TFPI2: variants seen among roughly 807,000 people sequenced by gnomAD.
TFPI2 encodes the protein tissue factor pathway inhibitor 2.
A neutral mutation model predicts 23.1 loss-of-function variants in TFPI2; 23 were observed. The observed-to-expected ratio is 1.00, with a 90% confidence interval of 0.72 to 1.41. The LOEUF (loss-of-function observed/expected upper bound fraction) is 1.41, where lower values mean the gene tolerates loss of function less well. Ranked by LOEUF, TFPI2 falls within the 40% of genes most tolerant of loss-of-function variation. The probability of loss-of-function intolerance (pLI) is 0.00; values close to 1 mark genes in which losing one functional copy is unlikely to be tolerated. For missense variants in TFPI2, 291 were observed against 299.6 expected (o/e 0.97, Z 0.21); for synonymous variants, 119 against 111.7 (o/e 1.07, Z -0.41).
intron 3 of TFPI2, among the ~76,000 whole-genome samples, chr7:93,888,589 G>GACAAAGAAAGAA (rs1554337287): frequency 9.7e-6 from 1 of 103,286 alleles, no homozygotes. Context: ...AGGAAGGAAA[G>GACAAAGAAAGAA]AGAAAGAAAG....
At chr7:93,888,615 G>GAA (rs1794059325) in intron 3 of TFPI2, among the ~76,000 whole-genome samples, 1 of 143,780 alleles carries the variant, frequency 7.0e-6, no homozygotes, top group African/African-American at 2.6e-5. Context: ...AAGAGAAAAA[G>GAA]AAAGGAGAGA....
At position 93,890,716 on chromosome 7, in the gene TFPI2, C is replaced by T. The variant is rs1370602547; in HGVS notation, c.-38G>A. On this transcript the variant is annotated 5_prime_UTR_variant, in exon 1 of 5. Coordinates refer to ENST00000222543, the MANE Select transcript of TFPI2 (RefSeq NM_006528.4). ...CGGGCGGCCCGCTGGGCAAGGCGTCCGAGAAAGCGCCTGGCGGGAGGAGGT... is the reference window on the plus strand; with the variant it reads ...CGGGCGGCCCGCTGGGCAAGGCGTCTGAGAAAGCGCCTGGCGGGAGGAGGT... 1.3e-6 allele frequency: 2 copies of T among 1,578,002 alleles called. No homozygotes were observed. The highest frequency in any genetic ancestry group is 1.7e-6 in the Non-Finnish European group (2 of 1,158,662).
Position 93,886,636 on chromosome 7 carries a change from A to G in TFPI2, c.*184T>C. 2.1e-6 allele frequency: 1 copy of G among 467,180 alleles called. No homozygotes were observed. The highest frequency in any genetic ancestry group is 3.7e-6 in the Non-Finnish European group (1 of 269,698). 28.9% of individuals were successfully genotyped at this position (467,180 alleles called of 1,614,324 possible). On this transcript the variant is annotated 3_prime_UTR_variant, in exon 5 of 5. Coordinates refer to ENST00000222543, the MANE Select transcript of TFPI2 (RefSeq NM_006528.4). ...ACCATAAATTAAAAATGGTAGACTC[A>G]CATTTGAATAGCAGCTAGTTATATA...
intron 3 of TFPI2, among the ~76,000 whole-genome samples, chr7:93,888,064 A>G (rs183324253): frequency 1.3e-5 from 2 of 152,356 alleles, no homozygotes; most frequent in Non-Finnish European, 2.9e-5. Context: ...CTCTGCAAAC[A>G]TTAAATACTA....
chr7:93,887,200 AT>A (rs1794010174), intron 4 of TFPI2, 60 bp downstream of exon 4: 1 of 1,477,530 alleles, frequency 6.8e-7, no homozygotes, highest in Admixed American at 2.2e-5. Flanking sequence ...TAAAAATATA[AT>A]TTTTCTGATA....
Position 93,887,270 on chromosome 7 carries a change from A to G in TFPI2, c.622T>C (p.Cys208Arg), listed in dbSNP as rs774558978. Residue 208 changes from cysteine (C) to arginine (R), a missense_variant, in exon 4 of 5, where the codon TGT becomes CGT. Coordinates refer to ENST00000222543, the MANE Select transcript of TFPI2 (RefSeq NM_006528.4). ...AGAAAACATTCACTACCTTTTGCAC[A>G]TGCACGTTTGCAATCCTCCCTGCTA... is the stretch of plus-strand genomic sequence containing the variant. Reference protein sequence around the residue: ...FVSREDCKRACAKALKKKKKM... With the variant: ...FVSREDCKRARAKALKKKKKM... The G allele has an allele frequency of 4.1e-5, 66 of 1,610,140 alleles. No individual in the cohort carries two copies. Among genetic ancestry groups the G allele is most frequent in the Admixed American group, 2.2e-4 (13 of 59,598 alleles).
intron 3 of TFPI2, among the ~76,000 whole-genome samples, chr7:93,888,805 C>T (rs933709552): frequency 3.3e-5 from 5 of 152,162 alleles, no homozygotes; most frequent in Middle Eastern, 3.4e-3. Flanking sequence ...CCAGCCTGGG[C>T]AACAGGGCGA....
intron 3 of TFPI2, among the ~76,000 whole-genome samples, chr7:93,888,664 GA>G (rs35683220): frequency 0.3 from 42,117 of 141,104 alleles, 7,524 homozygotes; most frequent in Non-Finnish European, 0.41. Flanking sequence ...AGAGAAAGAA[GA>G]AAAAAAAAAA....
At chr7:93,888,945 C>A in intron 3 of TFPI2, 90 bp downstream of exon 3, 1 of 1,165,984 alleles carries the variant, frequency 8.6e-7, no homozygotes, top group Non-Finnish European at 1.2e-6. Context: ...CATGAAAATG[C>A]ACATGTTAAT....
chr7:93,887,148 G>A (rs73227485), intron 4 of TFPI2, 113 bp downstream of exon 4: 55,103 of 1,060,080 alleles, frequency 0.052, 1,753 homozygotes, highest in Non-Finnish European at 0.062. Context: ...TTATGTAGAA[G>A]TAGTCTAGAA....
Position 93,889,026 on chromosome 7 carries a change from C to T in TFPI2, c.460+9G>A, listed in dbSNP as rs1794070626. 1 of 1,575,310 alleles carries T rather than the reference C, an allele frequency of 6.3e-7. No individual in the cohort carries two copies. Among genetic ancestry groups the T allele is most frequent in the Non-Finnish European group, 8.6e-7 (1 of 1,168,302 alleles). On this transcript the variant is annotated intron_variant, in intron 3 of 4. Coordinates refer to ENST00000222543, the MANE Select transcript of TFPI2 (RefSeq NM_006528.4). ...AGTGAAATAGAAATACCATAAAAATCGTATTTACTTTTCTTTGGTGCGCAG... is the reference window on the plus strand; with the variant it reads ...AGTGAAATAGAAATACCATAAAAATTGTATTTACTTTTCTTTGGTGCGCAG...
Position 93,890,698 on chromosome 7 carries a change from C to T in TFPI2, c.-20G>A, listed in dbSNP as rs1454437994. 19 of 1,599,806 alleles carry T rather than the reference C, an allele frequency of 1.2e-5. No homozygotes were observed. Among genetic ancestry groups the T allele is most frequent in the Non-Finnish European group, 1.5e-5 (18 of 1,174,520 alleles). ...GTCCATGGTGCAGGGGGTCGGGCGG[C>T]CCGCTGGGCAAGGCGTCCGAGAAAG... On this transcript the variant is annotated 5_prime_UTR_variant, in exon 1 of 5. Transcript: ENST00000222543.
intron 1 of TFPI2, 70 bp from the exon 2 acceptor site, chr7:93,890,389 C>T: frequency 6.5e-7 from 1 of 1,528,488 alleles, no homozygotes. Flanking sequence ...GAGGAAAGAA[C>T]ATCCCGGGGA....
At chr7:93,890,418 C>T in intron 1 of TFPI2, 99 bp from the exon 2 acceptor site, 1 of 1,454,358 alleles carries the variant, frequency 6.9e-7, no homozygotes, top group Non-Finnish European at 9.2e-7. Flanking sequence ...CCCTTCCGAG[C>T]GGAGGGGCCT....
In TFPI2 at chr7:93,889,323, G is replaced by T. The variant is rs967853608; in HGVS notation, c.272-100C>A. 3.5e-6 allele frequency: 4 copies of T among 1,131,402 alleles called. No homozygotes were observed. The African/African-American group carries it at 4.8e-5, about 13-fold the overall frequency. 70.1% of individuals were successfully genotyped at this position (1,131,402 alleles called of 1,614,324 possible). ...AACATTTTGTGGGGGGAGAGAAGTT[G>T]TATTAGTGTTGGGATAGTAAATACC... is the stretch of plus-strand genomic sequence containing the variant. On this transcript the variant is annotated intron_variant, in intron 2 of 4. Coordinates refer to ENST00000222543, the MANE Select transcript of TFPI2 (RefSeq NM_006528.4).
intron 3 of TFPI2, 30 bp from the exon 4 acceptor site, chr7:93,887,461 T>C (rs749114269): frequency 1.3e-6 from 2 of 1,567,232 alleles, no homozygotes; most frequent in Non-Finnish European, 1.7e-6. Flanking sequence ...AAATTAGAAA[T>C]GTTATAATAC....
Position 93,890,636 on chromosome 7 carries a change from A to G in TFPI2, c.43T>C (p.Phe15Leu). 6.2e-7 allele frequency: 1 copy of G among 1,613,444 alleles called. No homozygotes were observed. Among genetic ancestry groups the G allele is most frequent in the Non-Finnish European group, 8.5e-7 (1 of 1,179,830 alleles). ...RPLGLSILLLFLTEAALGDAA... is the reference protein window; with the variant it reads ...RPLGLSILLLLLTEAALGDAA... ...TCGCCCAGTGCAGCCTCCGTCAGGA[A>G]AAGCAGCAGAATCGACAGCCCCAGG... Residue 15 changes from phenylalanine to leucine, a missense_variant, in exon 1 of 5, where the codon TTC becomes CTC. Coordinates refer to ENST00000222543, the MANE Select transcript of TFPI2 (RefSeq NM_006528.4).
intron 3 of TFPI2, among the ~76,000 whole-genome samples, chr7:93,888,794 T>G (rs1239755175): frequency 6.6e-6 from 1 of 152,092 alleles, no homozygotes; most frequent in Non-Finnish European, 1.5e-5. Context: ...GCCACTGCAC[T>G]CCAGCCTGGG....
Position 93,886,806 on chromosome 7 carries a change from C to T in TFPI2, c.*14G>A. On this transcript the variant is annotated 3_prime_UTR_variant, in exon 5 of 5. Transcript: ENST00000222543. ...TAAGCCATAAAGACAAACAAGATGA[C>T]ATATTAAGAATGTTTAAAATTGCTT... 1 of 1,511,764 alleles carries T rather than the reference C, an allele frequency of 6.6e-7. No homozygotes were observed. Among genetic ancestry groups the T allele is most frequent in the Non-Finnish European group, 8.9e-7 (1 of 1,129,694 alleles). 93.6% of individuals were successfully genotyped at this position (1,511,764 alleles called of 1,614,324 possible).
Sources: allele counts gnomAD v4.1 joint callset (sites outside exome capture counted in the v4.1 genomes callset), GRCh38; gene constraint gnomAD v4.1.1; transcripts MANE v1.5; gene names NCBI Gene and HGNC (gene_info 2026-07-23, HGNC 2026-07-21).